Variants in CDH23 observed in about 807,000 individuals in gnomAD.
CDH23 encodes the protein cadherin-23.
A neutral mutation model predicts 317.1 loss-of-function variants in CDH23; 189 were observed. That is an observed-to-expected ratio of 0.60 (90% confidence interval 0.53 to 0.67). CDH23 has a LOEUF of 0.67. Among genes scored for constraint, CDH23 ranks in the 30% least tolerant of loss-of-function variants. CDH23 has a pLI of 0.00. For missense variants in CDH23, 4,401 were observed against 4,592.4 expected, an observed-to-expected ratio of 0.96 and a Z score of 1.20; for synonymous variants, 1,839 against 1,876.8, an observed-to-expected ratio of 0.98 and a Z score of 0.52.
chr10:71,440,010 C>T, intron 2 of CDH23, 112 bp downstream of exon 2: 1 of 821,432 alleles, frequency 1.2e-6, no homozygotes, highest in Non-Finnish European at 2.0e-6. Flanking sequence ...TCTGGAGACA[C>T]TGTCTTACTG....
At chr10:71,492,877 G>T (rs1035627241) in intron 3 of CDH23, among the ~76,000 whole-genome samples, 2 of 152,152 alleles carry the variant, frequency 1.3e-5, no homozygotes, top group African/African-American at 4.8e-5. Flanking sequence ...TTGATTCAGC[G>T]CTCCTCTTGT....
At position 71,624,316 on chromosome 10, in the gene CDH23, C is replaced by T. The variant is rs144511238; in HGVS notation, c.1134+6923C>T. ...TGCAGCATCCCTTTTCAGGGAAGGACGAGAGAGGCAGCTGGAGTTGTTAGA... is the reference window on the plus strand; with the variant it reads ...TGCAGCATCCCTTTTCAGGGAAGGATGAGAGAGGCAGCTGGAGTTGTTAGA... On this transcript the variant is annotated intron_variant, in intron 11 of 69. Coordinates refer to ENST00000224721, the MANE Select transcript of CDH23 (RefSeq NM_022124.6). Among the ~76,000 whole-genome samples, 116 of 152,326 alleles carry T rather than the reference C, an allele frequency of 7.6e-4. 1 individual carries two copies. Among genetic ancestry groups the T allele is most frequent in the African/African-American group, 2.5e-3 (102 of 41,562 alleles).
rs773206438 is a variant in CDH23 at position 71,807,387 on chromosome 10, C to T, written c.8289C>T (p.Ile2763=). 1.1e-5 allele frequency: 18 copies of T among 1,613,752 alleles called. No individual in the cohort carries two copies. The East Asian group carries it at 1.8e-4, about 16-fold the overall frequency. Residue 2763 remains isoleucine, a synonymous_variant, in exon 58 of 70, where the codon ATC becomes ATT. Coordinates refer to ENST00000224721, the MANE Select transcript of CDH23 (RefSeq NM_022124.6). The part of the protein sequence containing the change: ...AVDADEGPNA[I]VYYFIAAGNE... ...ATGCAGATGAGGGCCCCAACGCGAT[C>T]GTGTACTACTTCATCGCAGGTGGGG... is the stretch of plus-strand genomic sequence containing the variant.
intron 3 of CDH23, among the ~76,000 whole-genome samples, chr10:71,498,374 G>C (rs2132160550): frequency 6.6e-6 from 1 of 152,308 alleles, no homozygotes; most frequent in South Asian, 2.1e-4. Context: ...ATTCGGGCCA[G>C]GTGAAGGGCA....
chr10:71,646,337 G>A, intron 13 of CDH23, 122 bp from the exon 14 acceptor site: 5 of 1,449,578 alleles, frequency 3.4e-6, no homozygotes, highest in Non-Finnish European at 4.7e-6. Context: ...GCTGGGATGG[G>A]CAGAGACTCT....
At chr10:71,577,073 G>A (rs1362674410) in intron 8 of CDH23, among the ~76,000 whole-genome samples, 1 of 151,978 alleles carries the variant, frequency 6.6e-6, no homozygotes, top group Non-Finnish European at 1.5e-5. Flanking sequence ...ACGACCATTC[G>A]CCAATTCCTC....
At chr10:71,502,727 TG>T (rs1202947221) in intron 3 of CDH23, among the ~76,000 whole-genome samples, 2 of 152,210 alleles carry the variant, frequency 1.3e-5, no homozygotes, top group Non-Finnish European at 2.9e-5. Context: ...TTTCATTCTC[TG>T]GGAACTAAGC....
intron 38 of CDH23, among the ~76,000 whole-genome samples, chr10:71,768,960 T>C (rs1840623824): frequency 6.6e-6 from 1 of 152,198 alleles, no homozygotes; most frequent in Admixed American, 6.5e-5. Context: ...AGTCAGCCTC[T>C]GGAGGTCTGG....
intron 28 of CDH23, chr10:71,715,960 GT>G (rs1866201072): frequency 6.8e-7 from 1 of 1,479,430 alleles, no homozygotes; most frequent in Non-Finnish European, 9.0e-7. Flanking sequence ...ATTCCATGTA[GT>G]CACAGTGGCT....
At chr10:71,440,472 C>T (rs1175474823) in intron 2 of CDH23, among the ~76,000 whole-genome samples, 1 of 151,766 alleles carries the variant, frequency 6.6e-6, no homozygotes, top group Non-Finnish European at 1.5e-5. Context: ...AGAAACCCAG[C>T]CAGAAGGGTC....
chr10:71,780,984 G>A (rs1173595336), intron 41 of CDH23, among the ~76,000 whole-genome samples: 1 of 152,208 alleles, frequency 6.6e-6, no homozygotes, highest in African/African-American at 2.4e-5. Context: ...AAAGATGATG[G>A]CGTTGCCATT....
At chr10:71,731,446 A>C (rs1193501891) in intron 31 of CDH23, among the ~76,000 whole-genome samples, 2 of 152,142 alleles carry the variant, frequency 1.3e-5, no homozygotes, top group Non-Finnish European at 2.9e-5. Context: ...TGGCCCCTTG[A>C]GGTCTGTGAA....
chr10:71,809,889 A>T lies in CDH23; in HGVS notation c.8792A>T (p.Asp2931Val). 1 of 1,613,442 alleles carries T rather than the reference A, an allele frequency of 6.2e-7. No homozygotes were observed. Among genetic ancestry groups the T allele is most frequent in the South Asian group, 1.1e-5 (1 of 91,090 alleles). ...TACAGCCCCGGCTACTTCGTGGTGG[A>T]CATTGTGGCCCGAGACCTGGCAGGC... The part of the protein sequence containing the change: ...MAYSPGYFVV[D>V]IVARDLAGHN... Residue 2931 changes from aspartate to valine, a missense_variant, in exon 61 of 70, where the codon GAC becomes GTC. Physicochemically the swap from Asp to Val is radical, Grantham distance 152 (BLOSUM62 -3). Around this residue, in one of 3 missense-constraint regions of CDH23, gnomAD observed 1,144 missense variants for 1,138.2 expected, o/e 1.01. Coordinates refer to ENST00000224721, the MANE Select transcript of CDH23 (RefSeq NM_022124.6).
At chr10:71,567,556 C>T (rs1404583181) in intron 7 of CDH23, among the ~76,000 whole-genome samples, 2 of 152,256 alleles carry the variant, frequency 1.3e-5, no homozygotes, top group Non-Finnish European at 2.9e-5. Context: ...GAGGGTCACA[C>T]AGCCCATGAG....
chr10:71,399,000 C>T (rs1165706438), intron 1 of CDH23, among the ~76,000 whole-genome samples: 1 of 152,202 alleles, frequency 6.6e-6, no homozygotes, highest in Non-Finnish European at 1.5e-5. Flanking sequence ...CGTCTGCTTA[C>T]CAAAGGGCTT....
At chr10:71,790,040 G>A (rs1841202723) in intron 45 of CDH23, among the ~76,000 whole-genome samples, 1 of 152,200 alleles carries the variant, frequency 6.6e-6, no homozygotes, top group Non-Finnish European at 1.5e-5. Flanking sequence ...TGTGGCTCTG[G>A]GCAGCCGGGG....
At chr10:71,454,507 C>T (rs1589331835) in intron 3 of CDH23, among the ~76,000 whole-genome samples, 1 of 152,228 alleles carries the variant, frequency 6.6e-6, no homozygotes, top group African/African-American at 2.4e-5. Context: ...AGAACCTAGA[C>T]TGGAAATTGG....
chr10:71,781,335 C>T (rs1840948749), intron 41 of CDH23, among the ~76,000 whole-genome samples: 2 of 152,222 alleles, frequency 1.3e-5, no homozygotes, highest in Admixed American at 6.5e-5. Context: ...CCCAAAGTCT[C>T]CTCTCTGGCC....
At position 71,734,357 on chromosome 10, in the gene CDH23, G is replaced by A. The variant is rs776698303; in HGVS notation, c.4206+16G>A. 1.9e-5 allele frequency: 31 copies of A among 1,595,530 alleles called. No homozygotes were observed. In the Admixed American group the frequency reaches 5.4e-4, roughly 28 times the overall value. Reference sequence around the variant, plus strand: ...CTCCACCGTGGTGAGTGGGACCAGGGTGAGAGTCCCTCAGGTGCGGCCCAT... The same window carrying A: ...CTCCACCGTGGTGAGTGGGACCAGGATGAGAGTCCCTCAGGTGCGGCCCAT... On this transcript the variant is annotated intron_variant, in intron 33 of 69. Transcript: ENST00000224721.
Sources: gnomAD v4.1 joint callset for allele counts (sites outside exome capture counted in the v4.1 genomes callset) on GRCh38, gnomAD v4.1.1 for gene constraint, gnomAD v4.1.1 regional missense constraint, MANE v1.5 for transcripts, NCBI Gene and HGNC (gene_info 2026-07-23, HGNC 2026-07-21) for gene names.